Variants in MYO3A observed in about 807,000 individuals in gnomAD.
The protein encoded by MYO3A is myosin IIIA.
A neutral mutation model predicts 192.7 loss-of-function variants in MYO3A; 180 were observed. The observed-to-expected ratio is 0.93, with a 90% CI of 0.83 to 1.06. The LOEUF is 1.06. Among genes scored for constraint, MYO3A ranks in the 50% least tolerant of loss-of-function variants. The probability of loss-of-function intolerance (pLI) is 0.00; values close to 1 mark genes in which losing one functional copy is unlikely to be tolerated. For missense variants in MYO3A, 1,896 were observed against 1,905.0 expected (o/e 1.00, Z 0.09); for synonymous variants, 628 against 645.3 (o/e 0.97, Z 0.41).
rs868470947 is a variant in MYO3A at position 26,174,414 on chromosome 10, A to G, written c.4150A>G (p.Thr1384Ala). Reference sequence around the variant, plus strand: ...GCATCAGAGGATTGTCACAACACCAACAGAAGTAGCAAGAAACACTCATAA... The same window carrying G: ...GCATCAGAGGATTGTCACAACACCAGCAGAAGTAGCAAGAAACACTCATAA... ...FKHQRIVTTP[T>A]EVARNTHNLY... is the part of the protein sequence containing the mutation. Residue 1384 changes from threonine (T) to alanine (A), a missense_variant, in exon 30 of 35, where the codon ACA (threonine) becomes GCA (alanine). Coordinates refer to ENST00000642920, the MANE Select transcript of MYO3A (RefSeq NM_017433.5). 4 of 1,614,110 alleles carry G rather than the reference A, an allele frequency of 2.5e-6. No individual in the cohort carries two copies. The African/African-American group carries it at 5.3e-5, about 22-fold the overall frequency.
At chr10:26,210,843 T>C (rs1844190314) in intron 34 of MYO3A, among the ~76,000 whole-genome samples, 1 of 152,198 alleles carries the variant, frequency 6.6e-6, no homozygotes, top group Non-Finnish European at 1.5e-5. Flanking sequence ...TTTACATTGC[T>C]TGATCTATCA....
At chr10:26,126,344 T>A (rs937139023) in intron 19 of MYO3A, among the ~76,000 whole-genome samples, 7 of 152,306 alleles carry the variant, frequency 4.6e-5, no homozygotes, top group Non-Finnish European at 8.8e-5. Context: ...GATCACCTCA[T>A]TCACACTTGC....
In MYO3A at chr10:25,950,163, A is replaced by G. The variant is rs142884012; in HGVS notation, c.-17-1931A>G. Among the ~76,000 whole-genome samples, 32 of 152,294 alleles carry G rather than the reference A, an allele frequency of 2.1e-4. No individual in the cohort carries two copies. The East Asian group carries it at 5.2e-3, about 25-fold the overall frequency. On this transcript the variant is annotated intron_variant, in intron 2 of 34. Coordinates refer to ENST00000642920, the MANE Select transcript of MYO3A (RefSeq NM_017433.5). Reference sequence around the variant, plus strand: ...AATTGACATTTGAACTGAGATCTACAGGACAAGAAGGAACCAAAGGAAAAG... The same window carrying G: ...AATTGACATTTGAACTGAGATCTACGGGACAAGAAGGAACCAAAGGAAAAG...
chr10:26,153,233 T>G (rs1036046064), intron 23 of MYO3A, among the ~76,000 whole-genome samples: 11 of 152,322 alleles, frequency 7.2e-5, no homozygotes, highest in African/African-American at 2.6e-4. Flanking sequence ...TTATGGATTC[T>G]GGGTGCAGAT....
At chr10:26,073,458 G>A (rs1564521679) in intron 14 of MYO3A, among the ~76,000 whole-genome samples, 2 of 151,730 alleles carry the variant, frequency 1.3e-5, no homozygotes, top group South Asian at 4.2e-4. Flanking sequence ...AGTCCCAGGT[G>A]CTTGGGTGGC....
intron 23 of MYO3A, 30 bp downstream of exon 23, chr10:26,147,589 T>C (rs556344932): frequency 3.7e-6 from 6 of 1,613,620 alleles, no homozygotes; most frequent in Non-Finnish European, 5.1e-6. Flanking sequence ...CTGGAAGTTT[T>C]CTGAAGCCCA....
At chr10:26,122,314 A>G (rs1446738640) in intron 18 of MYO3A, among the ~76,000 whole-genome samples, 4 of 152,244 alleles carry the variant, frequency 2.6e-5, no homozygotes, top group Non-Finnish European at 4.4e-5. Context: ...ATTAAAATTA[A>G]CATACTTTCT....
intron 20 of MYO3A, among the ~76,000 whole-genome samples, chr10:26,133,131 A>T (rs999302314): frequency 6.6e-6 from 1 of 152,186 alleles, no homozygotes; most frequent in African/African-American, 2.4e-5. Flanking sequence ...TTTAAGTTCA[A>T]CTTTCTTCCC....
intron 31 of MYO3A, among the ~76,000 whole-genome samples, chr10:26,179,855 A>G (rs912323619): frequency 7.9e-5 from 12 of 152,204 alleles, no homozygotes; most frequent in African/African-American, 2.9e-4. Flanking sequence ...AATTTTTGAG[A>G]CAGAGTCTCA....
chr10:25,971,469 C>A (rs1838640203), intron 4 of MYO3A, among the ~76,000 whole-genome samples: 1 of 120,286 alleles, frequency 8.3e-6, no homozygotes, highest in Non-Finnish European at 1.9e-5. Flanking sequence ...AGATCCAGAT[C>A]ACTATGTGAG....
intron 18 of MYO3A, among the ~76,000 whole-genome samples, chr10:26,122,619 T>C (rs1010608137): frequency 6.6e-6 from 1 of 152,142 alleles, no homozygotes; most frequent in East Asian, 1.9e-4. Context: ...TTTTTCCAGG[T>C]CATTCTCCAC....
chr10:26,154,343 C>T (rs7475334), intron 24 of MYO3A, among the ~76,000 whole-genome samples: 1 of 152,050 alleles, frequency 6.6e-6, no homozygotes, highest in Admixed American at 6.6e-5. Flanking sequence ...CCACACCCAG[C>T]TAATTTTTCT....
At chr10:26,206,973 C>T (rs1195140994) in intron 34 of MYO3A, among the ~76,000 whole-genome samples, 1 of 151,942 alleles carries the variant, frequency 6.6e-6, no homozygotes, top group East Asian at 1.9e-4. Flanking sequence ...TTTTCATATA[C>T]GTGTTGACCA....
chr10:26,205,103 G>A (rs115088874), intron 34 of MYO3A, among the ~76,000 whole-genome samples: 1,919 of 152,284 alleles, frequency 0.013, 27 homozygotes, highest in African/African-American at 0.043. Flanking sequence ...AGACAACAGC[G>A]ATGGTGAACT....
chr10:25,948,426 C>A (rs1837000437), intron 2 of MYO3A, among the ~76,000 whole-genome samples: 1 of 151,784 alleles, frequency 6.6e-6, no homozygotes, highest in Non-Finnish European at 1.5e-5. Context: ...TTTGCTAGTA[C>A]CTTTTCAGAA....
intron 4 of MYO3A, among the ~76,000 whole-genome samples, chr10:25,985,255 A>AAAAAAAAAAAAAAAAAG (rs745441105): frequency 6.8e-6 from 1 of 147,456 alleles, no homozygotes. Flanking sequence ...AAAAAAAAAA[A>AAAAAAAAAAAAAAAAAG]AAATTCTGAA....
intron 17 of MYO3A, among the ~76,000 whole-genome samples, chr10:26,112,703 G>T (rs569131707): frequency 6.6e-6 from 1 of 152,126 alleles, no homozygotes; most frequent in African/African-American, 2.4e-5. Context: ...TACAGTTCAC[G>T]TGTGCATTTG....
intron 20 of MYO3A, among the ~76,000 whole-genome samples, chr10:26,141,640 T>C (rs1159385976): frequency 6.6e-6 from 1 of 152,216 alleles, no homozygotes; most frequent in Non-Finnish European, 1.5e-5. Flanking sequence ...GCCATTTAAA[T>C]TGTAATATGC....
chr10:26,158,206 CA>C (rs1251893440), intron 26 of MYO3A, among the ~76,000 whole-genome samples: 1 of 151,924 alleles, frequency 6.6e-6, no homozygotes, highest in Non-Finnish European at 1.5e-5. Flanking sequence ...AAAAAGCTAA[CA>C]TAAATTTTTT....
Sources: allele counts gnomAD v4.1 joint callset (sites outside exome capture counted in the v4.1 genomes callset), GRCh38; gene constraint gnomAD v4.1.1; transcripts MANE v1.5; gene names NCBI Gene and HGNC (gene_info 2026-07-23, HGNC 2026-07-21).